The following HBS1L variants were observed in gnomAD, a reference collection of about 807,000 sequenced individuals.
HBS1L encodes HBS1 like translational GTPase.
A neutral mutation model predicts 88.9 loss-of-function variants in HBS1L; 55 were observed. The observed-to-expected ratio is 0.62, with a 90% CI of 0.50 to 0.77. The LOEUF (loss-of-function observed/expected upper bound fraction) is 0.77, where lower values mean the gene tolerates loss of function less well. Among genes scored for constraint, HBS1L ranks in the 30% least tolerant of loss-of-function variants. The pLI, the probability that HBS1L is intolerant of heterozygous loss-of-function variation, is 0.00. For missense variants in HBS1L, 741 were observed against 829.3 expected (o/e 0.89, Z 1.31); for synonymous variants, 267 against 288.5 (o/e 0.93, Z 0.76).
At chr6:135,002,679 G>A (rs908485873) in intron 5 of HBS1L, 55 bp downstream of exon 5, 5 of 822,264 alleles carry the variant, frequency 6.1e-6, no homozygotes, top group Non-Finnish European at 9.4e-6. Flanking sequence ...AAGCAACAGT[G>A]ATTTCAAAAA....
chr6:134,970,492 A>G (rs575223480), intron 15 of HBS1L, among the ~76,000 whole-genome samples: 37 of 152,276 alleles, frequency 2.4e-4, no homozygotes, highest in Middle Eastern at 6.8e-3. Flanking sequence ...GTTCCTTATC[A>G]CTGAAATGAG....
At chr6:135,045,065 G>C (rs998927389) in intron 2 of HBS1L, among the ~76,000 whole-genome samples, 6 of 152,042 alleles carry the variant, frequency 3.9e-5, no homozygotes, top group African/African-American at 4.8e-5. Context: ...AAGGGTGGGT[G>C]GGGGGAAGAG....
rs141674616 is a variant in HBS1L at position 135,030,954 on chromosome 6, G to A, written c.430+8619C>T. Among the ~76,000 whole-genome samples the A allele has an allele frequency of 1.9e-3, 289 of 152,102 alleles. 2 individuals carry two copies. Among genetic ancestry groups the A allele is most frequent in the African/African-American group, 6.4e-3 (266 of 41,548 alleles). ...ATGCAATTTCACAGAAGGTGACGTC[G>A]GCCTTTTTGATACAGCTCTCATACT... On this transcript the variant is annotated intron_variant, in intron 4 of 17. Coordinates refer to ENST00000367837, the MANE Select transcript of HBS1L (RefSeq NM_006620.4).
At chr6:134,974,665 T>G (rs748196956) in intron 15 of HBS1L, among the ~76,000 whole-genome samples, 2 of 146,808 alleles carry the variant, frequency 1.4e-5, no homozygotes, top group African/African-American at 2.5e-5. Flanking sequence ...AAAAAACAGA[T>G]GATCATCTCA....
chr6:135,036,276 A>G (rs1776545242), intron 4 of HBS1L: 4 of 1,004,194 alleles, frequency 4.0e-6, no homozygotes, highest in Admixed American at 5.5e-5. Context: ...TGAATGCTTC[A>G]AACAAAAATA....
At chr6:134,997,886 TAAG>T (rs1266248742) in intron 5 of HBS1L, among the ~76,000 whole-genome samples, 1 of 151,928 alleles carries the variant, frequency 6.6e-6, no homozygotes, top group East Asian at 1.9e-4. Context: ...AAAATGAAGA[TAAG>T]AAGAAAATAA....
Position 134,989,137 on chromosome 6 carries a change from C to T in HBS1L, c.1084-1346G>A, listed in dbSNP as rs951732976. Among the ~76,000 whole-genome samples the T allele has an allele frequency of 3.9e-5, 6 of 152,158 alleles. No individual in the cohort carries two copies. In the East Asian group the frequency reaches 5.8e-4, roughly 15 times the overall value. ...TATTCTTTTGTGTTGATGCCACTTG[C>T]GTCATGTGGATGCAGCCTTTTAAAA... On this transcript the variant is annotated intron_variant, in intron 8 of 17. Coordinates refer to ENST00000367837, the MANE Select transcript of HBS1L (RefSeq NM_006620.4).
chr6:135,053,956 C>G (rs1777164167), intron 1 of HBS1L, among the ~76,000 whole-genome samples: 1 of 152,330 alleles, frequency 6.6e-6, no homozygotes, highest in South Asian at 2.1e-4. Flanking sequence ...CCTATACACT[C>G]TTTCCTCTAG....
At position 134,993,780 on chromosome 6, in the gene HBS1L, T is replaced by G; in HGVS notation, c.1061A>C (p.Asn354Thr). 2 of 1,590,242 alleles carry G rather than the reference T, an allele frequency of 1.3e-6. No individual in the cohort carries two copies. Among genetic ancestry groups the G allele is most frequent in the Non-Finnish European group, 1.7e-6 (2 of 1,163,158 alleles). Residue 354 changes from asparagine (N) to threonine (T), a missense_variant, in exon 8 of 18, where the codon AAT becomes ACT. Around this residue, in one of 3 missense-constraint regions of HBS1L, gnomAD observed 556 missense variants for 598.4 expected, o/e 0.93. Coordinates refer to ENST00000367837, the MANE Select transcript of HBS1L (RefSeq NM_006620.4). ...DAPGHKDFIP[N>T]MITGAAQADV... The stretch of plus-strand genomic sequence containing the variant: ...TACCTGGGCTGCTCCTGTAATCATA[T>G]TTGGAATGAAGTCCTTATGGCCTGG...
At chr6:135,006,533 C>A (rs988471069) in intron 4 of HBS1L, among the ~76,000 whole-genome samples, 1 of 151,000 alleles carries the variant, frequency 6.6e-6, no homozygotes, top group East Asian at 1.9e-4. Flanking sequence ...CAGCTAAAGA[C>A]AATAACTTCA....
intron 13 of HBS1L, 91 bp from the exon 14 acceptor site, chr6:134,979,359 A>C: frequency 1.2e-6 from 1 of 846,490 alleles, no homozygotes; most frequent in Non-Finnish European, 2.0e-6. Context: ...GTGCTTCATC[A>C]GTCACTACTC....
In HBS1L at chr6:134,962,697, C is replaced by T. The variant is rs550701867; in HGVS notation, c.*2582G>A. 6.6e-6 allele frequency: 1 copy of T among 152,272 alleles called. No homozygotes were observed. The highest frequency in any genetic ancestry group is 1.9e-4 in the East Asian group (1 of 5,186). 9.4% of individuals were successfully genotyped at this position (152,272 alleles called of 1,614,324 possible). On this transcript the variant is annotated 3_prime_UTR_variant, in exon 18 of 18. Transcript: ENST00000367837. ...AAGAGTCAAAGTCAGAGGACAAAGC[C>T]ATTAGTGTGAAGAAACAGTAAAATC... is the stretch of plus-strand genomic sequence containing the variant.
chr6:134,965,440 C>T (rs2114736404), intron 17 of HBS1L, 150 bp from the exon 18 acceptor site: 1 of 612,368 alleles, frequency 1.6e-6, no homozygotes, highest in Non-Finnish European at 2.8e-6. Flanking sequence ...CTAGTCATGC[C>T]ATTTCTGCAA....
intron 4 of HBS1L, among the ~76,000 whole-genome samples, chr6:135,030,966 A>T (rs903840174): frequency 3.3e-5 from 5 of 152,112 alleles, no homozygotes; most frequent in Admixed American, 1.3e-4. Context: ...CCTTTTTGAT[A>T]CAGCTCTCAT....
chr6:134,978,188 A>G (rs1344044448), intron 15 of HBS1L, among the ~76,000 whole-genome samples: 1 of 152,018 alleles, frequency 6.6e-6, no homozygotes, highest in African/African-American at 2.4e-5. Flanking sequence ...GTAAAGATAT[A>G]TATCTATGGA....
intron 3 of HBS1L, among the ~76,000 whole-genome samples, chr6:135,040,233 CCA>C (rs1171322681): frequency 6.6e-6 from 1 of 151,962 alleles, no homozygotes; most frequent in East Asian, 1.9e-4. Context: ...TCAGTTCTTC[CCA>C]GCTAACTAAA....
At chr6:134,988,105 T>C (rs967910864) in intron 8 of HBS1L, among the ~76,000 whole-genome samples, 5 of 152,196 alleles carry the variant, frequency 3.3e-5, no homozygotes, top group African/African-American at 1.2e-4. Flanking sequence ...GGCTCACGCC[T>C]ATAATCCCAG....
At position 134,962,497 on chromosome 6, in the gene HBS1L, G is replaced by A. The variant is rs1412045928; in HGVS notation, c.*2782C>T. ...TAACAATGGTTAAAACTATTGATTT[G>A]CATACTCATGGGAGAAAAACAGCTA... On this transcript the variant is annotated 3_prime_UTR_variant, in exon 18 of 18. Coordinates refer to ENST00000367837, the MANE Select transcript of HBS1L (RefSeq NM_006620.4). 4 of 152,152 alleles carry A rather than the reference G, an allele frequency of 2.6e-5. No homozygotes were observed. Among genetic ancestry groups the A allele is most frequent in the African/African-American group, 4.8e-5 (2 of 41,418 alleles). 9.4% of individuals were successfully genotyped at this position (152,152 alleles called of 1,614,324 possible). A position where few individuals can be genotyped will look rare whatever the true frequency, so the allele number is the denominator to read the frequency against.
chr6:135,011,507 G>A (rs541499533), intron 4 of HBS1L, among the ~76,000 whole-genome samples: 3 of 152,308 alleles, frequency 2.0e-5, no homozygotes, highest in Admixed American at 2.0e-4. Flanking sequence ...ACAACAGAGC[G>A]AGGCATTGTC....
Sources: allele counts gnomAD v4.1 joint callset (sites outside exome capture counted in the v4.1 genomes callset), GRCh38; gene constraint gnomAD v4.1.1; regional missense constraint gnomAD v4.1.1; transcripts MANE v1.5; gene names NCBI Gene and HGNC (gene_info 2026-07-23, HGNC 2026-07-21).